MORC2: variants seen among roughly 807,000 people sequenced by gnomAD.
MORC2 encodes the protein MORC family CW-type zinc finger 2, also known as ATPase MORC2.
In MORC2, 30 loss-of-function variants were observed where a neutral mutation model predicts 136.0. The ratio of observed to expected loss-of-function variants is 0.22; its 90% CI spans 0.17 to 0.30. The LOEUF (loss-of-function observed/expected upper bound fraction) is 0.30, where lower values mean the gene tolerates loss of function less well. Among genes scored for constraint, MORC2 ranks in the 10% least tolerant of loss-of-function variants. The pLI is 1.00. For synonymous variants in MORC2, 439 were observed against 487.0 expected (o/e 0.90, Z 1.30); for missense variants, 922 against 1,333.1 (o/e 0.69, Z 4.80).
chr22:30,955,193 G>C (rs765306223), intron 3 of MORC2, among the ~76,000 whole-genome samples: 1 of 152,028 alleles, frequency 6.6e-6, no homozygotes, highest in Non-Finnish European at 1.5e-5. Flanking sequence ...CCCGACCTAA[G>C]GTGGTCCGCC....
At position 30,938,180 on chromosome 22, in the gene MORC2, T is replaced by G. The variant is rs2040684632; in HGVS notation, c.1099A>C (p.Asn367His). The change falls in exon 13 of 26, where the codon AAT becomes CAT. Residue 367 changes from asparagine (N) to histidine (H), a missense_variant. Asn to His is a moderately conservative substitution (Grantham distance 68, BLOSUM62 1). Coordinates refer to ENST00000397641, the MANE Select transcript of MORC2 (RefSeq NM_001303256.3). ...QRALKEPKELNFVFGVNIEHR... is the reference protein window; with the variant it reads ...QRALKEPKELHFVFGVNIEHR... ...TCAATGTTGACACCAAAAACAAAAT[T>G]CAGTTCCTTAGGTTCTTTAAGTGCT... The G allele has an allele frequency of 6.2e-7, 1 of 1,613,966 alleles. No individual in the cohort carries two copies. The highest frequency in any genetic ancestry group is 8.5e-7 in the Non-Finnish European group (1 of 1,179,974).
chr22:30,941,342 T>C lies in MORC2; in HGVS notation c.824+91A>G. 3 of 1,543,430 alleles carry C rather than the reference T, an allele frequency of 1.9e-6. No homozygotes were observed. Among genetic ancestry groups the C allele is most frequent in the South Asian group, 1.2e-5 (1 of 83,598 alleles). On this transcript the variant is annotated intron_variant, in intron 9 of 25. Coordinates refer to ENST00000397641, the MANE Select transcript of MORC2 (RefSeq NM_001303256.3). This position sits in a 1 kb window ranked among gnomAD's most constrained non-coding sequence, Gnocchi z 4.6. ...ACGTAGTCAGCACTGCCAGAGCCTCTTATACAGCATCCCTCTAACAATGCC... is the reference window on the plus strand; with the variant it reads ...ACGTAGTCAGCACTGCCAGAGCCTCCTATACAGCATCCCTCTAACAATGCC...
At chr22:30,944,761 A>G (rs2040792498) in intron 6 of MORC2, among the ~76,000 whole-genome samples, 1 of 152,118 alleles carries the variant, frequency 6.6e-6, no homozygotes, top group African/African-American at 2.4e-5. Flanking sequence ...CTACTAATCA[A>G]TCAATCACCA....
chr22:30,944,550 GT>G (rs2040788884), intron 6 of MORC2, among the ~76,000 whole-genome samples: 1 of 151,940 alleles, frequency 6.6e-6, no homozygotes, highest in African/African-American at 2.4e-5. Context: ...AGGTGACCTC[GT>G]TTGCTACCAA....
At chr22:30,950,619 C>A (rs577999758) in intron 3 of MORC2, among the ~76,000 whole-genome samples, 174 bp from the exon 4 acceptor site, 5 of 152,150 alleles carry the variant, frequency 3.3e-5, no homozygotes, top group Non-Finnish European at 7.4e-5. Flanking sequence ...AAATTCCCAT[C>A]CAAGGTTCTC....
At chr22:30,958,543 C>T (rs1360093050) in intron 2 of MORC2, 98 bp downstream of exon 2, 1 of 892,252 alleles carries the variant, frequency 1.1e-6, no homozygotes, top group Non-Finnish European at 1.7e-6. Context: ...CTACATTCTA[C>T]AGAAATGTCT....
chr22:30,946,304 G>T, intron 6 of MORC2, 37 bp downstream of exon 6: 1 of 1,533,594 alleles, frequency 6.5e-7, no homozygotes, highest in South Asian at 1.2e-5. Context: ...CTCAGGAAAT[G>T]AGGACTGGTG....
intron 24 of MORC2, 140 bp from the exon 25 acceptor site, chr22:30,928,347 C>T: frequency 1.3e-6 from 1 of 765,996 alleles, no homozygotes; most frequent in Non-Finnish European, 2.2e-6. Context: ...AAAGGGCAAA[C>T]AGCCTCTTTA....
rs1175946652 is a variant in MORC2 at position 30,935,362 on chromosome 22, T to TATGCA, written c.1738-41_1738-40insTGCAT. 3.8e-6 allele frequency: 6 copies of TATGCA among 1,594,778 alleles called. No homozygotes were observed. In the African/African-American group the frequency reaches 8.0e-5, roughly 21 times the overall value. On this transcript the variant is annotated intron_variant, in intron 17 of 25. Transcript: ENST00000397641. ...TCATGATGAAGTTGTTTGCATATTT[T>TATGCA]AGTATACTTGAGCAAACTTTTTGGA...
chr22:30,927,637 G>A (rs2040507396), intron 25 of MORC2, among the ~76,000 whole-genome samples: 1 of 152,222 alleles, frequency 6.6e-6, no homozygotes, highest in South Asian at 2.1e-4. Flanking sequence ...TGTATCCACA[G>A]GACAGGCACA....
rs1602484936 is a variant in MORC2, at chr22:30,937,525, GA to G, written c.1498+57del. 8 of 1,587,204 alleles carry G rather than the reference GA, an allele frequency of 5.0e-6. No homozygotes were observed. The East Asian group carries it at 1.8e-4, about 36-fold the overall frequency. On this transcript the variant is annotated intron_variant, in intron 15 of 25. Transcript: ENST00000397641. This position sits in a 1 kb window ranked among gnomAD's most constrained non-coding sequence, Gnocchi z 4.7. ...GTTAGGAGGCTGGCAGGAAGATAGA[GA>G]AAAGAGGCTTGTGGGCTGATGGAAA...
At chr22:30,960,577 C>T (rs2041029137) in intron 1 of MORC2, among the ~76,000 whole-genome samples, 1 of 151,842 alleles carries the variant, frequency 6.6e-6, no homozygotes, top group African/African-American at 2.4e-5. Context: ...CAACCTCCGC[C>T]TCCCGGGTTC....
rs773228838 is a variant in MORC2 at position 30,937,334 on chromosome 22, G to A, written c.1498+249C>T. On this transcript the variant is annotated intron_variant, in intron 15 of 25. Coordinates refer to ENST00000397641, the MANE Select transcript of MORC2 (RefSeq NM_001303256.3). This position sits in a 1 kb window ranked among gnomAD's most constrained non-coding sequence, Gnocchi z 4.7. ...GAAACCATGTGGTACCAAACCAAGT[G>A]AGCCTGGCCTGGCTGCAGCTGGAGA... 6.6e-6 allele frequency among the ~76,000 whole-genome samples: 1 copy of A among 152,124 alleles called. No homozygotes were observed. The highest frequency in any genetic ancestry group is 2.1e-4 in the South Asian group (1 of 4,824).
chr22:30,946,367 A>G lies in MORC2; in HGVS notation c.400T>C (p.Phe134Leu). The G allele has an allele frequency of 6.2e-7, 1 of 1,609,720 alleles. No individual in the cohort carries two copies. Among genetic ancestry groups the G allele is most frequent in the Non-Finnish European group, 8.5e-7 (1 of 1,177,864 alleles). The change falls in exon 6 of 26, where the codon TTT becomes CTT. Residue 134 changes from phenylalanine (F) to leucine (L), a missense_variant. Transcript: ENST00000397641. Reference protein sequence around the residue: ...TMTCLFLSRTFHEEEGIDEVI... With the variant: ...TMTCLFLSRTLHEEEGIDEVI... ...TCATCAATGCCTTCTTCCTCATGAA[A>G]CGTGCGAGACAGGAAGAGGCAGGTC... is the stretch of plus-strand genomic sequence containing the variant.
At chr22:30,940,677 T>C in intron 10 of MORC2, 81 bp downstream of exon 10, 1 of 1,295,926 alleles carries the variant, frequency 7.7e-7, no homozygotes, top group Non-Finnish European at 1.1e-6. Flanking sequence ...GACTCAGCCT[T>C]TTCCTGGAAC....
At chr22:30,939,489 C>T (rs1367217270) in intron 12 of MORC2, 132 bp downstream of exon 12, 2 of 837,236 alleles carry the variant, frequency 2.4e-6, no homozygotes, top group African/African-American at 1.7e-5. Flanking sequence ...TAAGACTTCC[C>T]TCCTGCAGGA....
intron 21 of MORC2, 64 bp from the exon 22 acceptor site, chr22:30,933,094 C>T: frequency 1.3e-6 from 2 of 1,597,676 alleles, no homozygotes; most frequent in Non-Finnish European, 8.5e-7. Context: ...TGGCCTGGGC[C>T]ACATCGAGAA....
At chr22:30,949,718 T>G in intron 5 of MORC2, 34 bp downstream of exon 5, 6 of 1,551,856 alleles carry the variant, frequency 3.9e-6, no homozygotes, top group Non-Finnish European at 4.4e-6. Context: ...CTGGATTTTG[T>G]TTGAGCCCTG....
rs1195679393 is a variant in MORC2, at chr22:30,937,544, G to T, written c.1498+39C>A. 6.2e-7 allele frequency: 1 copy of T among 1,602,564 alleles called. No homozygotes were observed. Reference sequence around the variant, plus strand: ...GATAGAGAAAAGAGGCTTGTGGGCTGATGGAAATGAGTCGGGGGGGTCCAA... The same window carrying T: ...GATAGAGAAAAGAGGCTTGTGGGCTTATGGAAATGAGTCGGGGGGGTCCAA... On this transcript the variant is annotated intron_variant, in intron 15 of 25. Transcript: ENST00000397641. The surrounding 1 kb of genome is among the most constrained non-coding windows in gnomAD (Gnocchi z 4.7).
Sources: allele counts gnomAD v4.1 joint callset (sites outside exome capture counted in the v4.1 genomes callset), GRCh38; gene constraint gnomAD v4.1.1; non-coding constraint Gnocchi (gnomAD v3.1); transcripts MANE v1.5; gene names NCBI Gene and HGNC (gene_info 2026-07-23, HGNC 2026-07-21).